The following CAPNS1 variants were observed in gnomAD, a reference collection of about 807,000 sequenced individuals.
The protein encoded by CAPNS1 is calpain small subunit 1, also known as CANP small subunit.
Under a neutral mutation model 39.2 loss-of-function variants are expected in CAPNS1, and 32 were observed. That is an observed-to-expected ratio of 0.82 (90% CI 0.62 to 1.10). The LOEUF (loss-of-function observed/expected upper bound fraction) is 1.10, where lower values mean the gene tolerates loss of function less well. Ranked by LOEUF, CAPNS1 falls within the 50% of genes least tolerant of loss-of-function variation. CAPNS1 has a pLI of 0.00. For synonymous variants in CAPNS1, 153 were observed against 136.2 expected (o/e 1.12, Z -0.86); for missense variants, 353 against 373.1 (o/e 0.95, Z 0.44).
At chr19:36,142,853 G>A in intron 4 of CAPNS1, 56 bp from the exon 5 acceptor site, 2 of 1,601,616 alleles carry the variant, frequency 1.2e-6, no homozygotes, top group Non-Finnish European at 1.7e-6. Flanking sequence ...CATTCTCCAT[G>A]ACATTCTCAG....
At chr19:36,142,364 T>A in intron 3 of CAPNS1, 31 bp downstream of exon 3, 1 of 1,303,616 alleles carries the variant, frequency 7.7e-7, no homozygotes, top group Non-Finnish European at 1.1e-6. Context: ...GACCCCCTTC[T>A]CCTGCCAAGG....
chr19:36,145,794 C>A lies in CAPNS1; in HGVS notation c.457-12C>A, dbSNP rs772660204. The A allele has an allele frequency of 2.5e-6, 4 of 1,612,820 alleles. No individual in the cohort carries two copies. The East Asian group carries it at 8.9e-5, about 36-fold the overall frequency. On this transcript the variant is annotated splice_polypyrimidine_tract_variant and intron_variant, in intron 6 of 10. Coordinates refer to ENST00000246533, the MANE Select transcript of CAPNS1 (RefSeq NM_001749.4). ...GGTGTAGCTGTCACTCTTCTTAACA[C>A]CCTCCCACCAGAGCGACACCACAGG...
At chr19:36,142,878 C>T in intron 4 of CAPNS1, 31 bp from the exon 5 acceptor site, 2 of 1,613,288 alleles carry the variant, frequency 1.2e-6, no homozygotes, top group Non-Finnish European at 1.7e-6. Flanking sequence ...CTTTCAGTCA[C>T]CCCTGACCTG....
chr19:36,145,760 A>G (rs913717710), intron 6 of CAPNS1, 46 bp from the exon 7 acceptor site: 3 of 1,536,122 alleles, frequency 2.0e-6, no homozygotes, highest in East Asian at 2.3e-5. Flanking sequence ...CATGTGATGC[A>G]TGCATCTGGG....
chr19:36,140,912 A>G, intron 1 of CAPNS1, 85 bp from the exon 2 acceptor site: 1 of 1,565,926 alleles, frequency 6.4e-7, no homozygotes, highest in Admixed American at 1.8e-5. Flanking sequence ...GATTCCTCCC[A>G]GGTCCAGCTG....
At chr19:36,141,657 G>C in intron 2 of CAPNS1, 39 of 959,396 alleles carry the variant, frequency 4.1e-5, no homozygotes, top group Non-Finnish European at 4.9e-5. Flanking sequence ...GAGGAGGTGA[G>C]CCCAGGAGGA....
At position 36,142,665 on chromosome 19, in the gene CAPNS1, A is replaced by G; in HGVS notation, c.257A>G (p.His86Arg). Reference protein sequence around the residue: ...YNPEPPPPRTHYSNIEANESE... With the variant: ...YNPEPPPPRTRYSNIEANESE... ...CTCCCTTTGCAGCCCCCACGCACAC[A>G]TTACTCCAACATTGAGGCCAACGAG... Residue 86 changes from histidine to arginine, a missense_variant, in exon 4 of 11, where the codon CAT (histidine) becomes CGT (arginine). By Grantham distance (29) the His-to-Arg change is conservative. Transcript: ENST00000246533. The G allele has an allele frequency of 6.2e-7, 1 of 1,613,896 alleles. No individual in the cohort carries two copies. The highest frequency in any genetic ancestry group is 2.2e-5 in the East Asian group (1 of 44,868).
rs1281081915 is a variant in CAPNS1, at chr19:36,146,241, A to C, written c.650A>C (p.Tyr217Ser). ...EHLYNMIIRR[Y>S]SDESGNMDFD... ...CTCTATAACATGATCATCCGACGCT[A>C]CTCAGATGAAAGTGGGAACATGGAT... is the stretch of plus-strand genomic sequence containing the variant. The change falls in exon 9 of 11, where the codon TAC becomes TCC. Residue 217 changes from tyrosine (Y) to serine (S), a missense_variant. Transcript: ENST00000246533. 6.2e-7 allele frequency: 1 copy of C among 1,613,764 alleles called. No individual in the cohort carries two copies.
rs772001125 is a variant in CAPNS1, at chr19:36,145,781, A to G, written c.457-25A>G. 12 of 1,605,266 alleles carry G rather than the reference A, an allele frequency of 7.5e-6. No individual in the cohort carries two copies. In the East Asian group the frequency reaches 2.0e-4, roughly 27 times the overall value. ...ATGCATGCATCTGGGTGTAGCTGTC[A>G]CTCTTCTTAACACCCTCCCACCAGA... On this transcript the variant is annotated intron_variant, in intron 6 of 10. Transcript: ENST00000246533.
At position 36,141,143 on chromosome 19, in the gene CAPNS1, C is replaced by T. The variant is rs1599875277; in HGVS notation, c.132C>T (p.Gly44=). The T allele has an allele frequency of 1.4e-6, 2 of 1,386,384 alleles. No homozygotes were observed. The highest frequency in any genetic ancestry group is 1.7e-5 in the South Asian group (1 of 57,472). 85.9% of individuals were successfully genotyped at this position (1,386,384 alleles called of 1,614,324 possible). Residue 44 remains glycine (G), a synonymous_variant, in exon 2 of 11, where the codon GGC becomes GGT. Transcript: ENST00000246533. The part of the protein sequence containing the change: ...SGAGGGGGGG[G]GGGGGGGGGG... ...CCGGGGGCGGCGGCGGCGGCGGCGG[C>T]GGCGGCGGCGGTGGTGGAGGCGGCG...
rs543881038 is a variant in CAPNS1, at chr19:36,142,415, A to T, written c.243+82A>T. 4.1e-6 allele frequency: 3 copies of T among 729,112 alleles called. No homozygotes were observed. The East Asian group carries it at 7.6e-5, about 18-fold the overall frequency. The allele number at this position is 729,112 out of a possible 1,614,324, so 45.2% of individuals were successfully genotyped here. A position where few individuals can be genotyped will look rare whatever the true frequency, so the allele number is the denominator to read the frequency against. The stretch of plus-strand genomic sequence containing the variant: ...ATCCCTGTTCCTGTAGAGAAGCCCC[A>T]CCTTCCTCCCCTTCTTGTGAAATTC... On this transcript the variant is annotated intron_variant, in intron 3 of 10. Coordinates refer to ENST00000246533, the MANE Select transcript of CAPNS1 (RefSeq NM_001749.4).
chr19:36,143,167 C>CAGAG, intron 6 of CAPNS1, 39 bp downstream of exon 6: 1 of 1,588,466 alleles, frequency 6.3e-7, no homozygotes, highest in African/African-American at 1.3e-5. Flanking sequence ...CCTGGGTGGA[C>CAGAG]AGAGAGTTTT....
chr19:36,141,615 T>C (rs1043839904), intron 2 of CAPNS1: 15 of 1,045,866 alleles, frequency 1.4e-5, no homozygotes, highest in Non-Finnish European at 1.6e-5. Flanking sequence ...GCTTGACTTA[T>C]GAGTGTGGTC....
intron 8 of CAPNS1, 53 bp downstream of exon 8, chr19:36,146,107 T>G: frequency 6.3e-7 from 1 of 1,596,974 alleles, no homozygotes. Context: ...TGAGAAAACC[T>G]CTACTCAGCT....
At chr19:36,147,453 C>T (rs769278342) in intron 9 of CAPNS1, among the ~76,000 whole-genome samples, 8 of 152,150 alleles carry the variant, frequency 5.3e-5, no homozygotes. Context: ...AGGACAGGGT[C>T]AGGTTTGGCT....
Position 36,146,185 on chromosome 19 carries a change from A to G in CAPNS1, c.605-11A>G, listed in dbSNP as rs1180699750. ...GTGGCCCCCGCACCTGAAGGACTAC[A>G]TCCATCTTAGGGTTCCACCTGAATG... is the stretch of plus-strand genomic sequence containing the variant. On this transcript the variant is annotated splice_polypyrimidine_tract_variant and intron_variant, in intron 8 of 10. Transcript: ENST00000246533. 1 of 1,603,196 alleles carries G rather than the reference A, an allele frequency of 6.2e-7. No homozygotes were observed. Among genetic ancestry groups the G allele is most frequent in the Admixed American group, 1.7e-5 (1 of 60,018 alleles).
At chr19:36,140,324 T>C (rs1974312023) in intron 1 of CAPNS1, 167 bp downstream of exon 1, 1 of 152,338 alleles carries the variant, frequency 6.6e-6, no homozygotes, top group South Asian at 2.1e-4. Context: ...CCGGGGACCC[T>C]TCTCCACCCT....
chr19:36,143,245 A>G, intron 6 of CAPNS1, 117 bp downstream of exon 6: 2 of 883,286 alleles, frequency 2.3e-6, no homozygotes, highest in African/African-American at 3.3e-5. Context: ...CATTCATCAG[A>G]ACACAGTCAC....
rs770862577 is a variant in CAPNS1 at position 36,141,199 on chromosome 19, G to T, written c.188G>T (p.Gly63Val). 2 of 1,480,002 alleles carry T rather than the reference G, an allele frequency of 1.4e-6. No homozygotes were observed. The highest frequency in any genetic ancestry group is 2.5e-4 in the Middle Eastern group (1 of 4,026). The allele number at this position is 1,480,002 out of a possible 1,614,324, so 91.7% of individuals were successfully genotyped here. Residue 63 changes from glycine (G) to valine (V), a missense_variant, in exon 2 of 11, where the codon GGC (glycine) becomes GTC (valine). Gly to Val is a moderately radical substitution (Grantham distance 109). Transcript: ENST00000246533. Reference sequence around the variant, plus strand: ...GGTGGAACGGCCATGCGCATCCTAGGCGGAGTCATCAGCGCCATCAGGTAA... The same window carrying T: ...GGTGGAACGGCCATGCGCATCCTAGTCGGAGTCATCAGCGCCATCAGGTAA... ...GGGGTAMRIL[G>V]GVISAISEAA...
Sources: allele counts gnomAD v4.1 joint callset (sites outside exome capture counted in the v4.1 genomes callset), GRCh38; gene constraint gnomAD v4.1.1; transcripts MANE v1.5; gene names NCBI Gene and HGNC (gene_info 2026-07-23, HGNC 2026-07-21).